The following FNDC3B variants were observed in gnomAD, a reference collection of about 807,000 sequenced individuals.
The protein encoded by FNDC3B is fibronectin type III domain containing 3B, also known as fibronectin type III domain-containing protein 3B.
FNDC3B carries 12 observed loss-of-function variants against 151.5 expected under a neutral mutation model. The ratio of observed to expected loss-of-function variants is 0.08; its 90% CI spans 0.05 to 0.13. The LOEUF is 0.13. FNDC3B is among the 10% of genes least tolerant of loss of function. The pLI is 1.00. For synonymous variants in FNDC3B, 528 were observed against 549.0 expected (o/e 0.96, Z 0.54); for missense variants, 1,214 against 1,505.3 (o/e 0.81, Z 3.20).
intron 1 of FNDC3B, among the ~76,000 whole-genome samples, chr3:172,105,586 A>G (rs1248571824): frequency 6.8e-6 from 1 of 147,566 alleles, no homozygotes; most frequent in Non-Finnish European, 1.5e-5. Flanking sequence ...CCCCTGAATC[A>G]GGAATTTTCT....
At chr3:172,187,713 G>C (rs953763672) in intron 3 of FNDC3B, among the ~76,000 whole-genome samples, 1 of 152,130 alleles carries the variant, frequency 6.6e-6, no homozygotes, top group Non-Finnish European at 1.5e-5. Context: ...AGAGTGTGGT[G>C]GTGCCATCTC....
intron 6 of FNDC3B, among the ~76,000 whole-genome samples, chr3:172,280,536 T>C (rs1177446349): frequency 6.6e-6 from 1 of 152,214 alleles, no homozygotes; most frequent in Non-Finnish European, 1.5e-5. Flanking sequence ...TATGATGTTA[T>C]GACAGGGATA....
At position 172,239,514 on chromosome 3, in the gene FNDC3B, G is replaced by A. The variant is rs150465553; in HGVS notation, c.265-8019G>A. On this transcript the variant is annotated intron_variant, in intron 4 of 25. Transcript: ENST00000415807. ...TGCCACCCTGGCAAACTGGCTGCCA[G>A]CACATCACACTACGTATGTTTGTGG... is the stretch of plus-strand genomic sequence containing the variant. 5.2e-3 allele frequency among the ~76,000 whole-genome samples: 795 copies of A among 152,224 alleles called. 2 individuals are homozygous for A. Among genetic ancestry groups the A allele is most frequent in the Non-Finnish European group, 7.7e-3 (521 of 68,004 alleles).
chr3:172,103,288 T>C (rs1325998925), intron 1 of FNDC3B, among the ~76,000 whole-genome samples: 1 of 152,176 alleles, frequency 6.6e-6, no homozygotes, highest in Non-Finnish European at 1.5e-5. Flanking sequence ...GTAATTTTTT[T>C]CCATTTAGTT....
intron 3 of FNDC3B, among the ~76,000 whole-genome samples, chr3:172,135,922 G>A (rs1721335858): frequency 1.3e-5 from 2 of 152,190 alleles, no homozygotes; most frequent in Admixed American, 1.3e-4. Context: ...TCCAACACAA[G>A]TTGCTGTGTC....
chr3:172,370,448 T>C (rs1734832127), intron 23 of FNDC3B, among the ~76,000 whole-genome samples: 1 of 152,242 alleles, frequency 6.6e-6, no homozygotes, highest in South Asian at 2.1e-4. Context: ...AAAAGTATAG[T>C]CTTCCCCAAG....
At chr3:172,098,887 G>T (rs1026287052) in intron 1 of FNDC3B, among the ~76,000 whole-genome samples, 1 of 152,152 alleles carries the variant, frequency 6.6e-6, no homozygotes, top group Non-Finnish European at 1.5e-5. Flanking sequence ...TTTGCAAGGC[G>T]TGCTTCCTGT....
intron 1 of FNDC3B, among the ~76,000 whole-genome samples, chr3:172,050,635 C>T (rs1015979249): frequency 2.0e-5 from 3 of 152,082 alleles, no homozygotes; most frequent in Non-Finnish European, 4.4e-5. Context: ...CCACCTGCCT[C>T]AGCCTCCCAA....
intron 3 of FNDC3B, among the ~76,000 whole-genome samples, chr3:172,141,252 T>C (rs1380333707): frequency 6.6e-6 from 1 of 152,222 alleles, no homozygotes; most frequent in African/African-American, 2.4e-5. Context: ...TATGATAGAC[T>C]TGCTTTCATA....
At chr3:172,098,955 C>T (rs1719232852) in intron 1 of FNDC3B, among the ~76,000 whole-genome samples, 1 of 152,184 alleles carries the variant, frequency 6.6e-6, no homozygotes, top group Non-Finnish European at 1.5e-5. Context: ...AGTGGTTTCC[C>T]ACCAGCACAC....
intron 13 of FNDC3B, 90 bp from the exon 14 acceptor site, chr3:172,332,998 AG>A: frequency 1.2e-6 from 1 of 826,512 alleles, no homozygotes; most frequent in Non-Finnish European, 2.1e-6. Context: ...TGGTGATGGT[AG>A]GGAAAGGCAG....
intron 1 of FNDC3B, among the ~76,000 whole-genome samples, chr3:172,069,475 T>C (rs1427350614): frequency 6.6e-6 from 1 of 152,248 alleles, no homozygotes; most frequent in African/African-American, 2.4e-5. Context: ...TTACTTATTT[T>C]TATTTTTTAA....
At chr3:172,243,222 G>T (rs1727588599) in intron 4 of FNDC3B, among the ~76,000 whole-genome samples, 1 of 152,158 alleles carries the variant, frequency 6.6e-6, no homozygotes, top group Admixed American at 6.5e-5. Flanking sequence ...CCTCCAAATT[G>T]CTCCAACCTT....
chr3:172,067,590 T>C (rs1195916284), intron 1 of FNDC3B, among the ~76,000 whole-genome samples: 3 of 152,212 alleles, frequency 2.0e-5, no homozygotes, highest in Non-Finnish European at 4.4e-5. Flanking sequence ...GTCATAGAGC[T>C]ACAATTACAT....
chr3:172,392,810 C>CTTTTTTTTTTTTTTTTTTTTTTTTTT (rs1167627679), intron 25 of FNDC3B, among the ~76,000 whole-genome samples: 1 of 99,872 alleles, frequency 1.0e-5, no homozygotes, highest in African/African-American at 3.6e-5. Flanking sequence ...TTTTTTTTTT[C>CTTTTTTTTTTTTTTTTTTTTTTTTTT]TTTTTTTTTT....
At chr3:172,280,913 A>G (rs1437319579) in intron 6 of FNDC3B, among the ~76,000 whole-genome samples, 1 of 151,888 alleles carries the variant, frequency 6.6e-6, no homozygotes, top group Admixed American at 6.6e-5. Context: ...TTTGAAAAAA[A>G]CTATTTGCTT....
chr3:172,068,591 T>G (rs923657250), intron 1 of FNDC3B, among the ~76,000 whole-genome samples: 5 of 151,982 alleles, frequency 3.3e-5, no homozygotes. Flanking sequence ...GCTCTGGTAA[T>G]TGTTTGTATT....
chr3:172,154,057 C>T (rs961829682), intron 3 of FNDC3B, among the ~76,000 whole-genome samples: 1 of 152,044 alleles, frequency 6.6e-6, no homozygotes, highest in African/African-American at 2.4e-5. Flanking sequence ...GCTCGATAAG[C>T]GCTTGTTTCA....
At chr3:172,288,994 C>G (rs1730173412) in intron 7 of FNDC3B, among the ~76,000 whole-genome samples, 1 of 152,212 alleles carries the variant, frequency 6.6e-6, no homozygotes, top group South Asian at 2.1e-4. Context: ...CTCTTTCTCT[C>G]CACCTATATG....
Sources: gnomAD v4.1 joint callset for allele counts (sites outside exome capture counted in the v4.1 genomes callset) on GRCh38, gnomAD v4.1.1 for gene constraint, MANE v1.5 for transcripts, NCBI Gene and HGNC (gene_info 2026-07-23, HGNC 2026-07-21) for gene names.